The following MAPK6 variants were observed in gnomAD, a reference collection of about 807,000 sequenced individuals.
The protein encoded by MAPK6 is ERK-3.
Under a neutral mutation model 59.3 loss-of-function variants are expected in MAPK6, and 19 were observed. The observed-to-expected ratio is 0.32, with a 90% CI of 0.22 to 0.47. MAPK6 has a LOEUF of 0.47. MAPK6 is among the 20% of genes least tolerant of loss of function. The probability of loss-of-function intolerance (pLI) is 1.00; values close to 1 mark genes in which losing one functional copy is unlikely to be tolerated. For synonymous variants in MAPK6, 316 were observed against 290.3 expected (o/e 1.09, Z -0.90); for missense variants, 724 against 847.9 (o/e 0.85, Z 1.81).
chr15:51,990,382 A>AT (rs1566894577), intron 2 of MAPK6, among the ~76,000 whole-genome samples: 1 of 152,246 alleles, frequency 6.6e-6, no homozygotes, highest in Non-Finnish European at 1.5e-5. Flanking sequence ...GCAGTGAGAA[A>AT]TTGGGGCCAT....
chr15:52,063,088 A>AGACGGAGTCTCACTCTGTTGCCAGGCTG (rs2032268953), intron 5 of MAPK6, among the ~76,000 whole-genome samples: 1 of 151,896 alleles, frequency 6.6e-6, no homozygotes, highest in Non-Finnish European at 1.5e-5. Context: ...TTCTTTTTTG[A>AGACGGAGTCTCACTCTGTTGCCAGGCTG]GACGGAGTCT....
intron 3 of MAPK6, among the ~76,000 whole-genome samples, chr15:52,054,298 G>A (rs943975634): frequency 6.6e-6 from 1 of 150,802 alleles, no homozygotes; most frequent in Admixed American, 6.6e-5. Flanking sequence ...AACCTGGGAG[G>A]TGGAGGTTGC....
At chr15:51,977,678 A>G (rs2057161331) in intron 1 of MAPK6, among the ~76,000 whole-genome samples, 1 of 151,900 alleles carries the variant, frequency 6.6e-6, no homozygotes, top group African/African-American at 2.4e-5. Flanking sequence ...CCGGGATTAC[A>G]GGCATGTGCC....
chr15:51,982,843 A>G (rs889348013), intron 1 of MAPK6, among the ~76,000 whole-genome samples: 1 of 152,220 alleles, frequency 6.6e-6, no homozygotes, highest in Non-Finnish European at 1.5e-5. Context: ...GGGCTCCATA[A>G]GATGAAATTT....
chr15:52,058,095 C>T (rs1252539794), intron 3 of MAPK6, among the ~76,000 whole-genome samples: 1 of 152,172 alleles, frequency 6.6e-6, no homozygotes, highest in South Asian at 2.1e-4. Context: ...TGGAGTACAG[C>T]AAATGGAATT....
rs569559389 is a variant in MAPK6 at position 51,979,652 on chromosome 15, A to G, written c.-879-3554A>G. On this transcript the variant is annotated intron_variant, in intron 1 of 7. Coordinates refer to the MAPK6 transcript ENST00000691380. ...TACGAAAAATACTAAAATTAACTGG[A>G]TGTGGTGACATGTGCCTGTAGTCCC... Among the ~76,000 whole-genome samples, 110 of 151,704 alleles carry G rather than the reference A, an allele frequency of 7.3e-4. 1 individual carries two copies. Among genetic ancestry groups the G allele is most frequent in the Non-Finnish European group, 1.4e-3 (95 of 67,880 alleles).
chr15:52,023,967 TA>T (rs1223349987), intron 1 of MAPK6, among the ~76,000 whole-genome samples: 8 of 152,186 alleles, frequency 5.3e-5, no homozygotes, highest in African/African-American at 1.9e-4. Flanking sequence ...AGTCCATTTC[TA>T]AAAAATTGTT....
intron 3 of MAPK6, among the ~76,000 whole-genome samples, chr15:52,010,051 G>C (rs1256194278): frequency 6.6e-6 from 1 of 151,816 alleles, no homozygotes; most frequent in Non-Finnish European, 1.5e-5. Flanking sequence ...GATTACAGGC[G>C]TGAGTCACCG....
At chr15:52,042,309 T>TC (rs1272831770) in intron 1 of MAPK6, among the ~76,000 whole-genome samples, 1 of 152,224 alleles carries the variant, frequency 6.6e-6, no homozygotes, top group African/African-American at 2.4e-5. Flanking sequence ...CTAGTGGAAT[T>TC]ACAGTTTGTT....
chr15:51,986,549 T>C (rs1409622218), intron 2 of MAPK6, among the ~76,000 whole-genome samples: 1 of 152,212 alleles, frequency 6.6e-6, no homozygotes, highest in East Asian at 1.9e-4. Context: ...TTTATAATTA[T>C]GTAATGCTTT....
chr15:51,972,800 C>A (rs2141795501), intron 1 of MAPK6, among the ~76,000 whole-genome samples: 1 of 150,660 alleles, frequency 6.6e-6, no homozygotes, highest in South Asian at 2.1e-4. Context: ...CCAGCCTGGG[C>A]ACGAGACTCC....
At position 52,064,560 on chromosome 15, in the gene MAPK6, G is replaced by C. The variant is rs747410314; in HGVS notation, c.1726G>C (p.Glu576Gln). 6.2e-7 allele frequency: 1 copy of C among 1,611,382 alleles called. No individual in the cohort carries two copies. ...ISKSVSQEKQ[E>Q]KGMANLAQLE... ...AAAGTCAGTAAGCCAAGAAAAACAG[G>C]AAAAAGGAATGGCAAATCTGGCTCA... Residue 576 changes from glutamate (E) to glutamine (Q), a missense_variant, in exon 6 of 6, where the codon GAA becomes CAA. Transcript: ENST00000261845.
intron 3 of MAPK6, among the ~76,000 whole-genome samples, chr15:52,054,444 T>C (rs2031891855): frequency 6.6e-6 from 1 of 152,136 alleles, no homozygotes; most frequent in Non-Finnish European, 1.5e-5. Flanking sequence ...CTGGCACCAT[T>C]TGTTGAAAAG....
At chr15:52,031,468 G>A (rs1282254109) in intron 1 of MAPK6, among the ~76,000 whole-genome samples, 2 of 152,176 alleles carry the variant, frequency 1.3e-5, no homozygotes, top group Non-Finnish European at 2.9e-5. Context: ...GGAGGATTTA[G>A]TGTAAGGGTA....
Position 52,046,581 on chromosome 15 carries a change from G to T in MAPK6, c.121G>T (p.Asp41Tyr). 2.5e-6 allele frequency: 4 copies of T among 1,614,150 alleles called. No homozygotes were observed. In the South Asian group the frequency reaches 4.4e-5, roughly 18 times the overall value. ...CTTGGTTTTTTCTGCTGTAGACAAT[G>T]ACTGTGACAAAAGAGTAGCCATCAA... ...NGLVFSAVDN[D>Y]CDKRVAIKKI... Residue 41 changes from aspartate (D) to tyrosine (Y), a missense_variant, in exon 2 of 6, where the codon GAC becomes TAC. Physicochemically the swap from Asp to Tyr is radical, Grantham distance 160. Transcript: ENST00000261845.
chr15:52,054,266 G>A (rs961948235), intron 3 of MAPK6, among the ~76,000 whole-genome samples: 12 of 151,508 alleles, frequency 7.9e-5, no homozygotes, highest in Non-Finnish European at 1.5e-5. Flanking sequence ...TACTCGGGAG[G>A]CTGAGGCAGG....
intron 5 of MAPK6, among the ~76,000 whole-genome samples, chr15:52,062,357 A>G (rs1038197862): frequency 2.0e-5 from 3 of 152,236 alleles, no homozygotes; most frequent in East Asian, 1.9e-4. Flanking sequence ...TAATGACACA[A>G]TTAATTTGGG....
At chr15:52,006,016 G>A (rs1230424393) in intron 3 of MAPK6, among the ~76,000 whole-genome samples, 1 of 152,200 alleles carries the variant, frequency 6.6e-6, no homozygotes, top group Non-Finnish European at 1.5e-5. Context: ...CACAGCTTAT[G>A]TGAGTGGACA....
At position 52,046,024 on chromosome 15, in the gene MAPK6, C is replaced by T. The variant is rs1157541482; in HGVS notation, c.-437C>T. ...ACCAGCACCTTAGAATGATGCTGCT[C>T]AGGACCAGTCCAACACTGAATGTAT... On this transcript the variant is annotated 5_prime_UTR_variant, in exon 2 of 6. Transcript: ENST00000261845. The T allele has an allele frequency of 6.3e-6, 1 of 159,794 alleles. No individual in the cohort carries two copies. Among genetic ancestry groups the T allele is most frequent in the Non-Finnish European group, 1.4e-5 (1 of 72,256 alleles). The allele number at this position is 159,794 out of a possible 1,614,324, so 9.9% of individuals were successfully genotyped here. A position where few individuals can be genotyped will look rare whatever the true frequency, so the allele number is the denominator to read the frequency against.
Sources: allele counts gnomAD v4.1 joint callset (sites outside exome capture counted in the v4.1 genomes callset), GRCh38; gene constraint gnomAD v4.1.1; transcripts MANE v1.5; gene names NCBI Gene and HGNC (gene_info 2026-07-23, HGNC 2026-07-21).